BEND6: variants seen among roughly 807,000 people sequenced by gnomAD.
The protein encoded by BEND6 is BEN domain-containing protein 6.
In BEND6, 24 loss-of-function variants were observed where a neutral mutation model predicts 31.8. The observed-to-expected ratio is 0.75, with a 90% CI of 0.55 to 1.06. The LOEUF (loss-of-function observed/expected upper bound fraction) is 1.06. Ranked by LOEUF, BEND6 falls within the 50% of genes least tolerant of loss-of-function variation. The pLI is 0.00. For synonymous variants in BEND6, 109 were observed against 114.6 expected, an observed-to-expected ratio of 0.95 and a Z score of 0.31; for missense variants, 294 against 327.4, an observed-to-expected ratio of 0.90 and a Z score of 0.79.
intron 3 of BEND6, among the ~76,000 whole-genome samples, chr6:56,996,066 A>T (rs1826697622): frequency 2.0e-5 from 3 of 152,106 alleles, no homozygotes; most frequent in African/African-American, 7.2e-5. Flanking sequence ...TAAATATTTT[A>T]TGAGTCCCCT....
At chr6:56,968,802 G>C (rs1437372590) in intron 1 of BEND6, among the ~76,000 whole-genome samples, 1 of 152,098 alleles carries the variant, frequency 6.6e-6, no homozygotes, top group Non-Finnish European at 1.5e-5. Context: ...GTGGCCAGGT[G>C]CGGTGGCTCA....
At chr6:56,975,869 A>G (rs1274715094) in intron 1 of BEND6, 11 of 529,600 alleles carry the variant, frequency 2.1e-5, no homozygotes, top group Non-Finnish European at 4.2e-5. Flanking sequence ...TTCATCAGTC[A>G]TAGAGCCAAC....
chr6:57,014,582 C>A, intron 3 of BEND6: 2 of 1,255,614 alleles, frequency 1.6e-6, no homozygotes, highest in South Asian at 1.6e-5. Flanking sequence ...TACCAAAATT[C>A]ATCTTTAATA....
At chr6:56,985,218 G>C (rs1045421039) in intron 2 of BEND6, among the ~76,000 whole-genome samples, 1 of 152,126 alleles carries the variant, frequency 6.6e-6, no homozygotes, top group Non-Finnish European at 1.5e-5. Flanking sequence ...TTATATTTCA[G>C]GTTTTAGGTA....
intron 2 of BEND6, among the ~76,000 whole-genome samples, chr6:56,990,770 A>G (rs1489937203): frequency 6.6e-6 from 1 of 152,224 alleles, no homozygotes; most frequent in Non-Finnish European, 1.5e-5. Flanking sequence ...TATTGAATTT[A>G]TATTAATTCC....
At chr6:56,965,424 A>G (rs1357717395) in intron 1 of BEND6, among the ~76,000 whole-genome samples, 1 of 152,100 alleles carries the variant, frequency 6.6e-6, no homozygotes, top group Non-Finnish European at 1.5e-5. Flanking sequence ...TTAATATATG[A>G]TATTAGGCCA....
chr6:56,999,674 A>G (rs557015007), intron 3 of BEND6, among the ~76,000 whole-genome samples: 31 of 152,348 alleles, frequency 2.0e-4, no homozygotes, highest in Non-Finnish European at 5.9e-5. Flanking sequence ...AGCAGAGAGC[A>G]CAGACCACTG....
intron 1 of BEND6, among the ~76,000 whole-genome samples, chr6:56,970,713 A>C (rs1261549683): frequency 6.6e-6 from 1 of 152,184 alleles, no homozygotes; most frequent in Non-Finnish European, 1.5e-5. Flanking sequence ...TAAACATTGA[A>C]TCACCTGTTT....
chr6:56,994,617 G>T (rs1307509715), intron 3 of BEND6, among the ~76,000 whole-genome samples: 1 of 152,002 alleles, frequency 6.6e-6, no homozygotes, highest in East Asian at 1.9e-4. Flanking sequence ...GGCAATATAT[G>T]ATTTCCTTGT....
At chr6:56,980,988 A>AT (rs1176698486) in intron 1 of BEND6, among the ~76,000 whole-genome samples, 1 of 152,036 alleles carries the variant, frequency 6.6e-6, no homozygotes, top group Admixed American at 6.6e-5. Context: ...ACTTTTTTGT[A>AT]TTTTTTGTAG....
chr6:56,963,383 G>C (rs1825354198), intron 1 of BEND6, among the ~76,000 whole-genome samples: 1 of 152,112 alleles, frequency 6.6e-6, no homozygotes, highest in African/African-American at 2.4e-5. Flanking sequence ...TACTAATCCA[G>C]CAATTTCACA....
rs1826090272 is a variant in BEND6, at chr6:56,982,022, T to A, written c.120+92T>A. 3.1e-6 allele frequency: 4 copies of A among 1,299,474 alleles called. No homozygotes were observed. In the East Asian group the frequency reaches 1.0e-4, roughly 32 times the overall value. The allele number at this position is 1,299,474 out of a possible 1,614,324, so 80.5% of individuals were successfully genotyped here. On this transcript the variant is annotated intron_variant, in intron 2 of 6. Coordinates refer to ENST00000370746, the MANE Select transcript of BEND6 (RefSeq NM_152731.3). ...ATAATTTATTAGTGCTTCTCCCTCT[T>A]CTATTATTTAATTCTTTTCATTTCT...
intron 6 of BEND6, among the ~76,000 whole-genome samples, chr6:57,020,484 G>A (rs571934030): frequency 2.6e-5 from 4 of 151,894 alleles, no homozygotes; most frequent in South Asian, 2.1e-4. Flanking sequence ...TCAGTGGCGC[G>A]ATCTCTGCTC....
chr6:57,017,826 T>G (rs2127892764), intron 5 of BEND6, among the ~76,000 whole-genome samples: 1 of 152,324 alleles, frequency 6.6e-6, no homozygotes, highest in South Asian at 2.1e-4. Context: ...CAATTAATTT[T>G]TTGGCAACAT....
chr6:56,991,516 C>T (rs1826499444), intron 2 of BEND6, among the ~76,000 whole-genome samples: 1 of 152,066 alleles, frequency 6.6e-6, no homozygotes, highest in South Asian at 2.1e-4. Context: ...CATGTGCCAC[C>T]ACGCCTGGCT....
intron 2 of BEND6, 128 bp downstream of exon 2, chr6:56,982,058 G>T: frequency 9.0e-7 from 1 of 1,115,052 alleles, no homozygotes; most frequent in Non-Finnish European, 1.2e-6. Flanking sequence ...TTATTCAATG[G>T]AGAAAATATA....
intron 3 of BEND6, among the ~76,000 whole-genome samples, chr6:56,997,875 T>C (rs970174989): frequency 2.6e-5 from 4 of 152,160 alleles, no homozygotes; most frequent in African/African-American, 7.2e-5. Context: ...AGTAAATATT[T>C]ATAAAGTCCC....
At chr6:57,016,210 G>C (rs1394367611) in intron 4 of BEND6, among the ~76,000 whole-genome samples, 1 of 152,106 alleles carries the variant, frequency 6.6e-6, no homozygotes, top group Non-Finnish European at 1.5e-5. Context: ...AGTTTTGTTA[G>C]AATCAGGTAG....
chr6:57,010,191 T>G (rs1244301803), intron 3 of BEND6: 1 of 152,096 alleles, frequency 6.6e-6, no homozygotes, highest in Non-Finnish European at 1.5e-5. Flanking sequence ...AACAGGAGAA[T>G]ATGTCAAATA....
Sources: allele counts gnomAD v4.1 joint callset (sites outside exome capture counted in the v4.1 genomes callset), GRCh38; gene constraint gnomAD v4.1.1; transcripts MANE v1.5; gene names NCBI Gene and HGNC (gene_info 2026-07-23, HGNC 2026-07-21).